Variants in PTK7 observed in about 807,000 individuals in gnomAD.
The protein encoded by PTK7 is inactive tyrosine-protein kinase 7.
A neutral mutation model predicts 116.6 loss-of-function variants in PTK7; 39 were observed. That is an observed-to-expected ratio of 0.33 (90% CI 0.26 to 0.44). The LOEUF (loss-of-function observed/expected upper bound fraction) is 0.44. PTK7 is among the 20% of genes least tolerant of loss of function. The pLI, the probability that PTK7 is intolerant of heterozygous loss-of-function variation, is 1.00. For synonymous variants in PTK7, 546 were observed against 563.6 expected, an observed-to-expected ratio of 0.97 and a Z score of 0.44; for missense variants, 1,169 against 1,425.6, an observed-to-expected ratio of 0.82 and a Z score of 2.90.
intron 1 of PTK7, among the ~76,000 whole-genome samples, chr6:43,094,554 T>A (rs943622100): frequency 1.3e-5 from 2 of 151,194 alleles, no homozygotes; most frequent in Non-Finnish European, 2.9e-5. Flanking sequence ...AAGCTCCGCC[T>A]CCTGAGTTCA....
chr6:43,141,919 C>CT lies in PTK7; in HGVS notation c.1769-8dup. The stretch of plus-strand genomic sequence containing the variant: ...ACCCCTCCCTGCGCCTCGCTGGTCT[C>CT]TTTTCTTCCAGTTTTTATCACCTTC... On this transcript the variant is annotated splice_polypyrimidine_tract_variant and intron_variant, in intron 11 of 19. Coordinates refer to ENST00000230419, the MANE Select transcript of PTK7 (RefSeq NM_002821.5). This position sits in a 1 kb window ranked among gnomAD's most constrained non-coding sequence, Gnocchi z 4.9. 6.2e-7 allele frequency: 1 copy of CT among 1,600,814 alleles called. No individual in the cohort carries two copies. Among genetic ancestry groups the CT allele is most frequent in the Non-Finnish European group, 8.5e-7 (1 of 1,171,532 alleles).
At chr6:43,149,693 C>T (rs1770957784) in intron 17 of PTK7, among the ~76,000 whole-genome samples, 1 of 152,164 alleles carries the variant, frequency 6.6e-6, no homozygotes, top group South Asian at 2.1e-4. Flanking sequence ...CACTTAGCAA[C>T]AACAAAAAAG....
chr6:43,155,243 G>A (rs964384269), intron 17 of PTK7, among the ~76,000 whole-genome samples: 5 of 151,832 alleles, frequency 3.3e-5, no homozygotes, highest in African/African-American at 1.2e-4. Context: ...GGCTGGCTTT[G>A]AACTCCTGGG....
intron 17 of PTK7, among the ~76,000 whole-genome samples, chr6:43,149,066 A>G (rs1319578031): frequency 6.8e-6 from 1 of 147,658 alleles, no homozygotes; most frequent in Non-Finnish European, 1.5e-5. Context: ...TCTCAAAAAA[A>G]AAAAAAAAAA....
chr6:43,157,371 T>TATATATAAA (rs1561990682), intron 17 of PTK7, among the ~76,000 whole-genome samples: 20 of 85,746 alleles, frequency 2.3e-4, no homozygotes, highest in African/African-American at 1.1e-3. Flanking sequence ...TATATTTTTT[T>TATATATAAA]TTTTCTTTTT....
rs59525398 is a variant in PTK7 at position 43,080,954 on chromosome 6, T to TAC, written c.79+4409_79+4410dup. ...GAGACTCCGTCTCAAAAAAAAAAAATACACACACACACACACACACACAGC... is the reference window on the plus strand; with the variant it reads ...GAGACTCCGTCTCAAAAAAAAAAAATACACACACACACACACACACACACAGC... On this transcript the variant is annotated intron_variant, in intron 1 of 19. Transcript: ENST00000230419. 4.0e-3 allele frequency among the ~76,000 whole-genome samples: 597 copies of TAC among 148,310 alleles called. 2 individuals are homozygous for TAC. The highest frequency in any genetic ancestry group is 0.014 in the East Asian group (71 of 5,018).
In PTK7 at chr6:43,132,254, G is replaced by A. The variant is rs1053317494; in HGVS notation, c.961+90G>A. On this transcript the variant is annotated intron_variant, in intron 6 of 19. Coordinates refer to ENST00000230419, the MANE Select transcript of PTK7 (RefSeq NM_002821.5). Reference sequence around the variant, plus strand: ...TTTAGGCTTCTGTTTTTACTCAGCCGCTTGGAGGGCAGGGGAAGAAAAGGA... The same window carrying A: ...TTTAGGCTTCTGTTTTTACTCAGCCACTTGGAGGGCAGGGGAAGAAAAGGA... 9.9e-6 allele frequency: 15 copies of A among 1,516,054 alleles called. No individual in the cohort carries two copies. The East Asian group carries it at 1.1e-4, about 11-fold the overall frequency. 93.9% of individuals were successfully genotyped at this position (1,516,054 alleles called of 1,614,324 possible).
chr6:43,157,355 TATATATATATTTTTTTTTTTC>T lies in PTK7; in HGVS notation c.2722-1461_2722-1441del, dbSNP rs1561990451. 8.8e-3 allele frequency among the ~76,000 whole-genome samples: 80 copies of T among 9,052 alleles called. 2 individuals are homozygous for T. Among genetic ancestry groups the T allele is most frequent in the African/African-American group, 0.024 (61 of 2,576 alleles). 5.9% of individuals were successfully genotyped at this position (9,052 alleles called of 152,430 possible). ...ATATATATATATATATATATATATA[TATATATATATTTTTTTTTTTC>T]TTTTTTTTTTTTTTTTTTTAATAGA... On this transcript the variant is annotated intron_variant, in intron 17 of 19. Transcript: ENST00000230419.
chr6:43,102,738 AT>A (rs1767656786), intron 1 of PTK7, among the ~76,000 whole-genome samples: 1 of 152,246 alleles, frequency 6.6e-6, no homozygotes. Flanking sequence ...ATACTTAAAA[AT>A]GAAATACAAT....
Position 43,120,900 on chromosome 6 carries a change from T to C in PTK7, c.80-8077T>C, listed in dbSNP as rs150929048. Among the ~76,000 whole-genome samples the C allele has an allele frequency of 5.9e-5, 9 of 152,188 alleles. No homozygotes were observed. The East Asian group carries it at 1.7e-3, about 29-fold the overall frequency. On this transcript the variant is annotated intron_variant, in intron 1 of 19. Transcript: ENST00000230419. ...TCCAGCTGCATTTTTCATTCATTGC[T>C]ACTTCCTAAGAGACTCCACAGCCAA...
intron 1 of PTK7, among the ~76,000 whole-genome samples, chr6:43,096,557 C>G (rs913752570): frequency 6.6e-6 from 1 of 152,246 alleles, no homozygotes; most frequent in Non-Finnish European, 1.5e-5. Context: ...CTCACACTTT[C>G]CTCTGCCCTG....
At chr6:43,154,437 G>A (rs1010740907) in intron 17 of PTK7, among the ~76,000 whole-genome samples, 2 of 152,076 alleles carry the variant, frequency 1.3e-5, no homozygotes, top group African/African-American at 2.4e-5. Flanking sequence ...CTTTTTGACT[G>A]GGCAAAAAGT....
Position 43,146,662 on chromosome 6 carries a change from A to G in PTK7, c.2685A>G (p.Glu895=), listed in dbSNP as rs1288608907. 1 of 1,613,464 alleles carries G rather than the reference A, an allele frequency of 6.2e-7. No homozygotes were observed. The highest frequency in any genetic ancestry group is 2.2e-5 in the East Asian group (1 of 44,852). The part of the protein sequence containing the change: ...QFLRISKSKD[E]KLKSQPLSTK... Reference sequence around the variant, plus strand: ...TGAGGATTTCCAAGAGCAAGGATGAAAAATTGAAGTCACAGCCCCTCAGCA... The same window carrying G: ...TGAGGATTTCCAAGAGCAAGGATGAGAAATTGAAGTCACAGCCCCTCAGCA... Residue 895 remains glutamate (E), a synonymous_variant, in exon 17 of 20, where the codon GAA becomes GAG. Coordinates refer to ENST00000230419, the MANE Select transcript of PTK7 (RefSeq NM_002821.5).
At chr6:43,153,483 C>T (rs1771248426) in intron 17 of PTK7, among the ~76,000 whole-genome samples, 1 of 152,040 alleles carries the variant, frequency 6.6e-6, no homozygotes, top group Non-Finnish European at 1.5e-5. Flanking sequence ...AATCATGGCT[C>T]ACTGCAGCCT....
At chr6:43,110,288 C>T (rs908275475) in intron 1 of PTK7, among the ~76,000 whole-genome samples, 1 of 152,044 alleles carries the variant, frequency 6.6e-6, no homozygotes, top group Non-Finnish European at 1.5e-5. Flanking sequence ...CCATGCCTGG[C>T]CTGGAGTATT....
Position 43,159,972 on chromosome 6 carries a change from C to A in PTK7, c.3052+6C>A. 2 of 1,611,606 alleles carry A rather than the reference C, an allele frequency of 1.2e-6. No individual in the cohort carries two copies. The highest frequency in any genetic ancestry group is 1.7e-6 in the Non-Finnish European group (2 of 1,178,444). On this transcript the variant is annotated splice_donor_region_variant and intron_variant, in intron 19 of 19. Coordinates refer to ENST00000230419, the MANE Select transcript of PTK7 (RefSeq NM_002821.5). ...AGATGATGAAGTACTGGCAGGTAGG[C>A]AGCCTTGCTGCTAGGGGATGATTCC...
Position 43,142,211 on chromosome 6 carries a change from C to G in PTK7, c.1959C>G (p.Asp653Glu). ...IFQNGSLVIH[D>E]VAPEDSGRYT... ...AGAATGGCTCCCTGGTGATCCATGA[C>G]GTGGCCCCTGAGGACTCAGGCCGCT... The change falls in exon 13 of 20, where the codon GAC becomes GAG. Residue 653 changes from aspartate to glutamate, a missense_variant. Physicochemically the swap from Asp to Glu is conservative, Grantham distance 45. Around this residue, in one of 3 missense-constraint regions of PTK7, gnomAD observed 678 missense variants for 853.8 expected, o/e 0.79. Coordinates refer to ENST00000230419, the MANE Select transcript of PTK7 (RefSeq NM_002821.5). 2 of 1,614,148 alleles carry G rather than the reference C, an allele frequency of 1.2e-6. No individual in the cohort carries two copies. The highest frequency in any genetic ancestry group is 1.7e-6 in the Non-Finnish European group (2 of 1,180,032).
At chr6:43,159,305 C>G (rs1349387054) in intron 18 of PTK7, among the ~76,000 whole-genome samples, 1 of 152,188 alleles carries the variant, frequency 6.6e-6, no homozygotes, top group Non-Finnish European at 1.5e-5. Context: ...ATTTTGAAGT[C>G]TGAGACTTAT....
chr6:43,143,463 C>G lies in PTK7; in HGVS notation c.2094C>G (p.Pro698=). 6.2e-7 allele frequency: 1 copy of G among 1,614,052 alleles called. No homozygotes were observed. Among genetic ancestry groups the G allele is most frequent in the Non-Finnish European group, 8.5e-7 (1 of 1,180,018 alleles). Residue 698 remains proline (P), a synonymous_variant, in exon 14 of 20, where the codon CCC becomes CCG. Transcript: ENST00000230419. This position sits in a 1 kb window ranked among gnomAD's most constrained non-coding sequence, Gnocchi z 4.2. ...CGGAGGGCCCTGGCAGCCCTCCCCC[C>G]TACAAGATGATCCAGACCATTGGGT... ...EESEGPGSPP[P]YKMIQTIGLS...
Sources: allele counts gnomAD v4.1 joint callset (sites outside exome capture counted in the v4.1 genomes callset), GRCh38; gene constraint gnomAD v4.1.1; regional missense constraint gnomAD v4.1.1; non-coding constraint Gnocchi (gnomAD v3.1); transcripts MANE v1.5; gene names NCBI Gene and HGNC (gene_info 2026-07-23, HGNC 2026-07-21).